Variants in CLSTN2 observed in about 807,000 individuals in gnomAD.
CLSTN2 encodes calsyntenin 2, also known as calsyntenin-2.
A neutral mutation model predicts 101.2 loss-of-function variants in CLSTN2; 48 were observed. That is an observed-to-expected ratio of 0.47 (90% CI 0.38 to 0.60). The LOEUF is 0.60. Among genes scored for constraint, CLSTN2 ranks in the 20% least tolerant of loss-of-function variants. CLSTN2 has a pLI of 0.00. For synonymous variants in CLSTN2, 481 were observed against 463.6 expected (o/e 1.04, Z -0.48); for missense variants, 1,160 against 1,238.2 (o/e 0.94, Z 0.95).
At chr3:140,460,924 T>C (rs1933548858) in intron 7 of CLSTN2, 1 of 152,316 alleles carries the variant, frequency 6.6e-6, no homozygotes, top group Non-Finnish European at 1.5e-5. Context: ...GCTTGACCAC[T>C]TCTTAAGGCA....
intron 5 of CLSTN2, among the ~76,000 whole-genome samples, chr3:140,446,449 T>C (rs1933080292): frequency 6.6e-6 from 1 of 152,154 alleles, no homozygotes; most frequent in African/African-American, 2.4e-5. Flanking sequence ...CTGGTGACCA[T>C]GGGGGCTCAG....
chr3:140,202,529 G>A (rs983699128), intron 2 of CLSTN2, among the ~76,000 whole-genome samples: 3 of 152,322 alleles, frequency 2.0e-5, no homozygotes, highest in East Asian at 1.9e-4. Flanking sequence ...AGGCATTCAC[G>A]TTAGAACGTT....
At chr3:139,944,966 G>C (rs1935193546) in intron 1 of CLSTN2, among the ~76,000 whole-genome samples, 1 of 152,216 alleles carries the variant, frequency 6.6e-6, no homozygotes, top group African/African-American at 2.4e-5. Context: ...TTCTCATTCA[G>C]AAAGGCTGTC....
intron 2 of CLSTN2, among the ~76,000 whole-genome samples, chr3:140,368,231 T>C (rs1448227865): frequency 6.6e-6 from 1 of 152,182 alleles, no homozygotes; most frequent in Non-Finnish European, 1.5e-5. Flanking sequence ...TTTATGAATC[T>C]GTGTGCCCCC....
At chr3:140,165,505 G>A (rs1280378418) in intron 1 of CLSTN2, among the ~76,000 whole-genome samples, 1 of 152,188 alleles carries the variant, frequency 6.6e-6, no homozygotes, top group Non-Finnish European at 1.5e-5. Context: ...TAGACCTGTG[G>A]CATGAGAGCA....
At chr3:140,388,458 A>G (rs956957982) in intron 2 of CLSTN2, among the ~76,000 whole-genome samples, 2 of 152,204 alleles carry the variant, frequency 1.3e-5, no homozygotes, top group Non-Finnish European at 2.9e-5. Context: ...TTTGCATCTG[A>G]GCCTGTAGAG....
At chr3:140,118,358 T>A (rs1412386269) in intron 1 of CLSTN2, among the ~76,000 whole-genome samples, 1 of 152,136 alleles carries the variant, frequency 6.6e-6, no homozygotes, top group Non-Finnish European at 1.5e-5. Flanking sequence ...AAGTGGGATA[T>A]CTGGGCAAGG....
At chr3:140,118,834 G>A (rs2009290435) in intron 1 of CLSTN2, among the ~76,000 whole-genome samples, 1 of 152,136 alleles carries the variant, frequency 6.6e-6, no homozygotes, top group Non-Finnish European at 1.5e-5. Flanking sequence ...AATAGAAAGG[G>A]GCTCCCCAAG....
At chr3:140,230,276 T>G (rs943270152) in intron 2 of CLSTN2, among the ~76,000 whole-genome samples, 1 of 152,098 alleles carries the variant, frequency 6.6e-6, no homozygotes, top group African/African-American at 2.4e-5. Flanking sequence ...TATGGCAGTG[T>G]TGTGTGGTCA....
chr3:140,573,274 A>G lies in CLSTN2; in HGVS notation c.*7021A>G, dbSNP rs1016799578. The stretch of plus-strand genomic sequence containing the variant: ...CCGCAGCACTGCTCTGTTTGTTTGT[A>G]ATGAGACTGGGGCATGCAGCATCAC... On this transcript the variant is annotated 3_prime_UTR_variant, in exon 17 of 17. Transcript: ENST00000458420. 1 of 152,142 alleles carries G rather than the reference A, an allele frequency of 6.6e-6. No individual in the cohort carries two copies. Among genetic ancestry groups the G allele is most frequent in the African/African-American group, 2.4e-5 (1 of 41,414 alleles). The allele number at this position is 152,142 out of a possible 1,614,324, so 9.4% of individuals were successfully genotyped here. A position where few individuals can be genotyped will look rare whatever the true frequency, so the allele number is the denominator to read the frequency against.
At chr3:140,521,299 A>C (rs1189171736) in intron 8 of CLSTN2, among the ~76,000 whole-genome samples, 1 of 151,886 alleles carries the variant, frequency 6.6e-6, no homozygotes, top group Non-Finnish European at 1.5e-5. Context: ...GAGGTTGCTG[A>C]CCTTTGAATG....
intron 1 of CLSTN2, among the ~76,000 whole-genome samples, chr3:140,165,844 A>C (rs551613839): frequency 1.3e-5 from 2 of 152,316 alleles, no homozygotes; most frequent in East Asian, 3.9e-4. Flanking sequence ...AAGAACAGAT[A>C]CTCAAACTAG....
chr3:140,446,127 A>G (rs1185069609), intron 5 of CLSTN2, among the ~76,000 whole-genome samples: 4 of 152,160 alleles, frequency 2.6e-5, no homozygotes, highest in Non-Finnish European at 5.9e-5. Flanking sequence ...TTCCTATGGC[A>G]CTATGACTTT....
chr3:140,297,392 C>T (rs868049491), intron 2 of CLSTN2, among the ~76,000 whole-genome samples: 3 of 152,142 alleles, frequency 2.0e-5, no homozygotes, highest in Non-Finnish European at 2.9e-5. Context: ...TACTTATTAA[C>T]GTAAATGCCT....
chr3:140,102,488 A>G (rs1457317673), intron 1 of CLSTN2, among the ~76,000 whole-genome samples: 1 of 140,894 alleles, frequency 7.1e-6, no homozygotes, highest in Non-Finnish European at 1.6e-5. Context: ...CATGAGACAT[A>G]TTGCAAAGAA....
intron 2 of CLSTN2, among the ~76,000 whole-genome samples, chr3:140,244,384 C>T (rs2086496887): frequency 6.6e-6 from 1 of 152,122 alleles, no homozygotes; most frequent in Non-Finnish European, 1.5e-5. Context: ...TGGGACCCAC[C>T]CTACAACCGT....
At chr3:140,501,841 A>C (rs1411152424) in intron 8 of CLSTN2, among the ~76,000 whole-genome samples, 1 of 152,226 alleles carries the variant, frequency 6.6e-6, no homozygotes. Context: ...GTTAAGATTC[A>C]GATTCAGAAG....
At chr3:140,143,650 G>A (rs2009736063) in intron 1 of CLSTN2, among the ~76,000 whole-genome samples, 1 of 152,198 alleles carries the variant, frequency 6.6e-6, no homozygotes, top group Non-Finnish European at 1.5e-5. Flanking sequence ...GTGGAGGGAT[G>A]TTTCTTTTGG....
chr3:140,030,473 G>C (rs1412004234), intron 1 of CLSTN2, among the ~76,000 whole-genome samples: 1 of 152,146 alleles, frequency 6.6e-6, no homozygotes, highest in Non-Finnish European at 1.5e-5. Flanking sequence ...CATTCCTGCA[G>C]CCTCCATTTC....
Sources: allele counts gnomAD v4.1 joint callset (sites outside exome capture counted in the v4.1 genomes callset), GRCh38; gene constraint gnomAD v4.1.1; transcripts MANE v1.5; gene names NCBI Gene and HGNC (gene_info 2026-07-23, HGNC 2026-07-21).